GAS2L2: variants seen among roughly 807,000 people sequenced by gnomAD.
GAS2L2 encodes the protein GAS2-like protein 2.
In GAS2L2, 21 loss-of-function variants were observed where a neutral mutation model predicts 35.2. That is an observed-to-expected ratio of 0.60 (90% CI 0.42 to 0.86). The LOEUF (loss-of-function observed/expected upper bound fraction) is 0.86. Ranked by LOEUF, GAS2L2 falls within the 40% of genes least tolerant of loss-of-function variation. GAS2L2 has a pLI of 0.00. For missense variants in GAS2L2, 1,169 were observed against 1,144.4 expected, an observed-to-expected ratio of 1.02 and a Z score of -0.31; for synonymous variants, 490 against 473.2, an observed-to-expected ratio of 1.04 and a Z score of -0.46.
intron 3 of GAS2L2, among the ~76,000 whole-genome samples, chr17:35,748,366 T>C (rs2085682629): frequency 6.6e-6 from 1 of 152,228 alleles, no homozygotes; most frequent in South Asian, 2.1e-4. Flanking sequence ...AGCTTCAGCT[T>C]CCTGTGTTGG....
At chr17:35,749,655 A>G (rs1405050521) in intron 2 of GAS2L2, among the ~76,000 whole-genome samples, 1 of 152,198 alleles carries the variant, frequency 6.6e-6, no homozygotes. Context: ...GCATTCATAG[A>G]AGGTAGGTGC....
Position 35,752,979 on chromosome 17 carries a change from C to T in GAS2L2, c.-129G>A, listed in dbSNP as rs887097403. ...GGTTCCCGTGTACTCGCTGAGAGCC[C>T]GGGACCTCCAGTGCTGCTACTTGCC... On this transcript the variant is annotated 5_prime_UTR_variant, in exon 1 of 6. Transcript: ENST00000604641. The T allele has an allele frequency of 3.4e-5, 35 of 1,034,306 alleles. No homozygotes were observed. The highest frequency in any genetic ancestry group is 4.6e-5 in the Non-Finnish European group (34 of 732,234). The allele number at this position is 1,034,306 out of a possible 1,614,324, so 64.1% of individuals were successfully genotyped here.
intron 4 of GAS2L2, among the ~76,000 whole-genome samples, chr17:35,747,646 T>C (rs1303949426): frequency 1.3e-5 from 2 of 152,148 alleles, no homozygotes; most frequent in Admixed American, 1.3e-4. Context: ...CTTCTGCGTG[T>C]GTTGCCCGCC....
At chr17:35,747,356 G>A in intron 4 of GAS2L2, 88 bp from the exon 5 acceptor site, 1 of 1,414,742 alleles carries the variant, frequency 7.1e-7, no homozygotes, top group Non-Finnish European at 9.5e-7. Flanking sequence ...GTGGTCCCAT[G>A]CCCCGCATCC....
At chr17:35,752,190 C>T (rs950548446) in intron 1 of GAS2L2, among the ~76,000 whole-genome samples, 1 of 152,184 alleles carries the variant, frequency 6.6e-6, no homozygotes, top group Admixed American at 6.5e-5. Context: ...CCTCTCTTTC[C>T]TTGGTGCCCA....
chr17:35,747,396 C>A, intron 4 of GAS2L2, 128 bp from the exon 5 acceptor site: 1 of 1,102,852 alleles, frequency 9.1e-7, no homozygotes, highest in Non-Finnish European at 1.3e-6. Flanking sequence ...CCTACAGTGG[C>A]AACACCGGAG....
In GAS2L2 at chr17:35,745,055, C is replaced by T. The variant is rs75215075; in HGVS notation, c.2442G>A (p.Arg814=). 1,264 of 1,613,958 alleles carry T rather than the reference C, an allele frequency of 7.8e-4. 17 individuals carry two copies. In the East Asian group the frequency reaches 0.026, roughly 33 times the overall value. ...LGPARQPPKD[R]LLRAVLGSKG... is the part of the protein sequence containing the mutation. Reference sequence around the variant, plus strand: ...TGCTGCCCAGCACAGCTCTCAACAGCCTGTCCTTGGGGGGCTGCCTGGCTG... The same window carrying T: ...TGCTGCCCAGCACAGCTCTCAACAGTCTGTCCTTGGGGGGCTGCCTGGCTG... The change falls in exon 6 of 6, where the codon AGG becomes AGA. Residue 814 remains arginine (R), a synonymous_variant. Coordinates refer to ENST00000604641, the MANE Select transcript of GAS2L2 (RefSeq NM_139285.4).
At chr17:35,749,018 G>A in intron 3 of GAS2L2, 92 bp downstream of exon 3, 1 of 739,818 alleles carries the variant, frequency 1.4e-6, no homozygotes, top group Admixed American at 2.5e-5. Context: ...GCCTGGGCAA[G>A]GTCCCATATT....
At chr17:35,751,053 G>A (rs2085700408) in intron 1 of GAS2L2, among the ~76,000 whole-genome samples, 1 of 152,130 alleles carries the variant, frequency 6.6e-6, no homozygotes, top group African/African-American at 2.4e-5. Context: ...GCCCAGGCCT[G>A]ACCCTTTCCC....
In GAS2L2 at chr17:35,745,917, G is replaced by A; in HGVS notation, c.1580C>T (p.Pro527Leu). The A allele has an allele frequency of 6.2e-7, 1 of 1,612,132 alleles. No individual in the cohort carries two copies. Among genetic ancestry groups the A allele is most frequent in the Non-Finnish European group, 8.5e-7 (1 of 1,179,214 alleles). Residue 527 changes from proline (P) to leucine (L), a missense_variant, in exon 6 of 6, where the codon CCC becomes CTC. By Grantham distance (98) the Pro-to-Leu change is moderately conservative. Transcript: ENST00000604641. The part of the protein sequence containing the change: ...RSFPGATSGS[P>L]RTELGRDPIP... ...GGGGTCTCTCCCAAGTTCTGTCCTG[G>A]GACTTCCACTTGTAGCACCAGGAAA...
Position 35,745,270 on chromosome 17 carries a change from G to T in GAS2L2, c.2227C>A (p.Pro743Thr), listed in dbSNP as rs781946547. ...SASPEAPTPS[P>T]LDPNSDKAKA... The stretch of plus-strand genomic sequence containing the variant: ...GCTTTGTCAGAGTTGGGGTCCAAGG[G>T]CGAAGGTGTGGGGGCCTCCGGGCTG... The change falls in exon 6 of 6, where the codon CCC becomes ACC. Residue 743 changes from proline (P) to threonine (T), a missense_variant. By Grantham distance (38) the Pro-to-Thr change is conservative. Transcript: ENST00000604641. The T allele has an allele frequency of 6.2e-7, 1 of 1,610,814 alleles. No individual in the cohort carries two copies.
At position 35,746,258 on chromosome 17, in the gene GAS2L2, C is replaced by A; in HGVS notation, c.1239G>T (p.Arg413Ser). Residue 413 changes from arginine to serine, a missense_variant, in exon 6 of 6, where the codon AGG becomes AGT. Transcript: ENST00000604641. Reference sequence around the variant, plus strand: ...GAACCCAAGATGTGGGAATCCTTCCCCTGGGGAGTTCAGGGGGGTATCTCT... The same window carrying A: ...GAACCCAAGATGTGGGAATCCTTCCACTGGGGAGTTCAGGGGGGTATCTCT... ...REERYPPELPRGRIPTSWVHE... is the reference protein window; with the variant it reads ...REERYPPELPSGRIPTSWVHE... 1 of 1,467,486 alleles carries A rather than the reference C, an allele frequency of 6.8e-7. No individual in the cohort carries two copies. The highest frequency in any genetic ancestry group is 9.0e-7 in the Non-Finnish European group (1 of 1,108,214). 90.9% of individuals were successfully genotyped at this position (1,467,486 alleles called of 1,614,324 possible). A position where few individuals can be genotyped will look rare whatever the true frequency, so the allele number is the denominator to read the frequency against.
At chr17:35,751,634 C>T (rs900702564) in intron 1 of GAS2L2, among the ~76,000 whole-genome samples, 3 of 151,224 alleles carry the variant, frequency 2.0e-5, no homozygotes, top group Admixed American at 6.6e-5. Flanking sequence ...AACCACTGTA[C>T]TCCAGCCTGG....
In GAS2L2 at chr17:35,747,719, C is replaced by T. The variant is rs587765876; in HGVS notation, c.832+130G>A. ...TACTGCCTGCCTTCCTCCAGCCTCC[C>T]CCACACCTCCCCACCTACCGCTCCC... is the stretch of plus-strand genomic sequence containing the variant. On this transcript the variant is annotated intron_variant, in intron 4 of 5. Coordinates refer to ENST00000604641, the MANE Select transcript of GAS2L2 (RefSeq NM_139285.4). 20 of 721,962 alleles carry T rather than the reference C, an allele frequency of 2.8e-5. No homozygotes were observed. The African/African-American group carries it at 2.8e-4, about 10-fold the overall frequency. The allele number at this position is 721,962 out of a possible 1,614,324, so 44.7% of individuals were successfully genotyped here. A position where few individuals can be genotyped will look rare whatever the true frequency, so the allele number is the denominator to read the frequency against.
At position 35,747,743 on chromosome 17, in the gene GAS2L2, C is replaced by G. The variant is rs587648691; in HGVS notation, c.832+106G>C. 4.5e-6 allele frequency: 4 copies of G among 886,906 alleles called. No homozygotes were observed. In the African/African-American group the frequency reaches 4.9e-5, roughly 11 times the overall value. The allele number at this position is 886,906 out of a possible 1,614,324, so 54.9% of individuals were successfully genotyped here. ...CCCCACACCTCCCCACCTACCGCTC[C>G]CCTCCTGGAGATCAGACATACCTCC... On this transcript the variant is annotated intron_variant, in intron 4 of 5. Coordinates refer to ENST00000604641, the MANE Select transcript of GAS2L2 (RefSeq NM_139285.4).
In GAS2L2 at chr17:35,745,584, G is replaced by A; in HGVS notation, c.1913C>T (p.Pro638Leu). Residue 638 changes from proline (P) to leucine (L), a missense_variant, in exon 6 of 6, where the codon CCC becomes CTC. This residue lies in a region of GAS2L2 where 1,035 missense variants were observed against 976.5 expected (regional missense o/e 1.06). Coordinates refer to ENST00000604641, the MANE Select transcript of GAS2L2 (RefSeq NM_139285.4). ...GVIPRSGVYIPRLAGQWPEPG... is the reference protein window; with the variant it reads ...GVIPRSGVYILRLAGQWPEPG... The stretch of plus-strand genomic sequence containing the variant: ...CTCAGGCCACTGCCCAGCCAGCCTG[G>A]GGATGTAGACCCCACTGCGAGGGAT... 6.2e-7 allele frequency: 1 copy of A among 1,613,776 alleles called. No homozygotes were observed. The highest frequency in any genetic ancestry group is 1.3e-5 in the African/African-American group (1 of 75,050).
At position 35,750,152 on chromosome 17, in the gene GAS2L2, G is replaced by A. The variant is rs138166711; in HGVS notation, c.552C>T (p.Ala184=). 234 of 1,610,552 alleles carry A rather than the reference G, an allele frequency of 1.5e-4. No individual in the cohort carries two copies. The highest frequency in any genetic ancestry group is 3.3e-4 in the Middle Eastern group (2 of 6,042). The change falls in exon 2 of 6, where the codon GCC becomes GCT. Residue 184 remains alanine (A), a synonymous_variant. Coordinates refer to ENST00000604641, the MANE Select transcript of GAS2L2 (RefSeq NM_139285.4). ...GCGGCGAGGGGTCGGGCGGGGGCAG[G>A]GCCAGCTCCCGCCGCACCTCCTCCT... The part of the protein sequence containing the change: ...EIEEEVRREL[A]LPPPDPSPPA...
At chr17:35,746,467 T>C in intron 5 of GAS2L2, 56 bp from the exon 6 acceptor site, 1 of 1,168,428 alleles carries the variant, frequency 8.6e-7, no homozygotes, top group Non-Finnish European at 1.1e-6. Flanking sequence ...GGCAGGGTCA[T>C]CTAGTGTGGT....
At position 35,745,270 on chromosome 17, in the gene GAS2L2, G is replaced by A. The variant is rs781946547; in HGVS notation, c.2227C>T (p.Pro743Ser). The A allele has an allele frequency of 7.5e-6, 12 of 1,610,696 alleles. No homozygotes were observed. In the African/African-American group the frequency reaches 1.2e-4, roughly 16 times the overall value. The change falls in exon 6 of 6, where the codon CCC (proline) becomes TCC (serine). Residue 743 changes from proline to serine, a missense_variant. By Grantham distance (74) the Pro-to-Ser change is moderately conservative. This residue lies in a region of GAS2L2 where 1,035 missense variants were observed against 976.5 expected (regional missense o/e 1.06). Coordinates refer to ENST00000604641, the MANE Select transcript of GAS2L2 (RefSeq NM_139285.4). Reference sequence around the variant, plus strand: ...GCTTTGTCAGAGTTGGGGTCCAAGGGCGAAGGTGTGGGGGCCTCCGGGCTG... The same window carrying A: ...GCTTTGTCAGAGTTGGGGTCCAAGGACGAAGGTGTGGGGGCCTCCGGGCTG... ...SASPEAPTPS[P>S]LDPNSDKAKA... is the part of the protein sequence containing the mutation.
Sources: gnomAD v4.1 joint callset for allele counts (sites outside exome capture counted in the v4.1 genomes callset) on GRCh38, gnomAD v4.1.1 for gene constraint, gnomAD v4.1.1 regional missense constraint, MANE v1.5 for transcripts, NCBI Gene and HGNC (gene_info 2026-07-23, HGNC 2026-07-21) for gene names.